PVALB: variants seen among roughly 807,000 people sequenced by gnomAD.
PVALB encodes parvalbumin.
PVALB carries 11 observed loss-of-function variants against 10.9 expected under a neutral mutation model. The ratio of observed to expected loss-of-function variants is 1.01; its 90% confidence interval spans 0.63 to 1.67. PVALB has a LOEUF of 1.67. PVALB is among the 40% of genes most tolerant of loss of function. The pLI is 0.00. For missense variants in PVALB, 131 were observed against 136.2 expected, an observed-to-expected ratio of 0.96 and a Z score of 0.19; for synonymous variants, 57 against 50.7, an observed-to-expected ratio of 1.12 and a Z score of -0.53.
At position 36,813,640 on chromosome 22, in the gene PVALB, A is replaced by G. The variant is rs373010162; in HGVS notation, c.304+6T>C. 46 of 1,607,180 alleles carry G rather than the reference A, an allele frequency of 2.9e-5. No homozygotes were observed. In the South Asian group the frequency reaches 3.1e-4, roughly 11 times the overall value. On this transcript the variant is annotated splice_donor_region_variant and intron_variant, in intron 3 of 3. Transcript: ENST00000417718. ...TATGCCCAGACCCCAGGTCACGGCT[A>G]CCCACCGTCAACCCCAATTTTGCCG...
rs1224134983 is a variant in PVALB at position 36,802,985 on chromosome 22, G to T, written c.305-2067C>A. 2.6e-5 allele frequency among the ~76,000 whole-genome samples: 4 copies of T among 152,342 alleles called. No homozygotes were observed. The South Asian group carries it at 8.3e-4, about 32-fold the overall frequency. On this transcript the variant is annotated intron_variant, in intron 3 of 3. Transcript: ENST00000417718. ...TGTGATCTTCCAGGACCTCGGTGGG[G>T]CAGGTGGTTATTTTGAGATGTCTTT...
At position 36,813,759 on chromosome 22, in the gene PVALB, G is replaced by C; in HGVS notation, c.195-4C>G. On this transcript the variant is annotated splice_polypyrimidine_tract_variant and splice_region_variant and intron_variant, in intron 2 of 3. Coordinates refer to ENST00000417718, the MANE Select transcript of PVALB (RefSeq NM_001315532.2). Reference sequence around the variant, plus strand: ...GGAGAAGCCTTTTAGGATGAATCTGGAGGAGAAAAGGGAGAAAGCCGGTGA... The same window carrying C: ...GGAGAAGCCTTTTAGGATGAATCTGCAGGAGAAAAGGGAGAAAGCCGGTGA... 2 of 1,605,942 alleles carry C rather than the reference G, an allele frequency of 1.2e-6. No individual in the cohort carries two copies. Among genetic ancestry groups the C allele is most frequent in the South Asian group, 1.1e-5 (1 of 90,894 alleles).
At chr22:36,815,502 C>T in intron 1 of PVALB, 1 of 482,040 alleles carries the variant, frequency 2.1e-6, no homozygotes. Context: ...CTCCACTGCA[C>T]CCATTGCTGA....
chr22:36,804,767 C>G (rs1304212695), intron 3 of PVALB, among the ~76,000 whole-genome samples: 1 of 152,164 alleles, frequency 6.6e-6, no homozygotes, highest in Admixed American at 6.5e-5. Context: ...AACCTCGTCT[C>G]TACTAAAAAT....
At chr22:36,812,066 T>G (rs1201421832) in intron 3 of PVALB, among the ~76,000 whole-genome samples, 1 of 152,216 alleles carries the variant, frequency 6.6e-6, no homozygotes, top group Non-Finnish European at 1.5e-5. Context: ...GGCATACACC[T>G]ACTTTCATAA....
Position 36,817,035 on chromosome 22 carries a change from T to C in PVALB, c.-30A>G, listed in dbSNP as rs1466547452. ...CAACTGTTTGAGCGGGCAGAGCAAG[T>C]GCGAAAAGATTAAAAAGTGCTTTTC... On this transcript the variant is annotated 5_prime_UTR_variant, in exon 1 of 4. Transcript: ENST00000417718. 2.5e-6 allele frequency: 4 copies of C among 1,596,446 alleles called. No homozygotes were observed. In the African/African-American group the frequency reaches 4.1e-5, roughly 16 times the overall value.
At chr22:36,811,602 G>C in intron 3 of PVALB, 1 of 456,656 alleles carries the variant, frequency 2.2e-6, no homozygotes. Flanking sequence ...AACTGGGCCA[G>C]GTTTGGCTGG....
rs548444314 is a variant in PVALB, at chr22:36,810,760, G to A, written c.304+2886C>T. Among the ~76,000 whole-genome samples the A allele has an allele frequency of 3.9e-5, 6 of 152,286 alleles. No homozygotes were observed. The East Asian group carries it at 1.2e-3, about 29-fold the overall frequency. ...CTAATAATTCTTTCCTCCCATTCTT[G>A]GCAAAACAATCTTCTTGCCCCTTTC... On this transcript the variant is annotated intron_variant, in intron 3 of 3. Transcript: ENST00000417718.
In PVALB at chr22:36,801,000, G is replaced by A; in HGVS notation, c.305-82C>T. 4.3e-6 allele frequency: 6 copies of A among 1,400,606 alleles called. No homozygotes were observed. In the South Asian group the frequency reaches 7.0e-5, roughly 16 times the overall value. 86.8% of individuals were successfully genotyped at this position (1,400,606 alleles called of 1,614,324 possible). The stretch of plus-strand genomic sequence containing the variant: ...TCCACACCTGACTGCGGGGCCCTGG[G>A]TGGTGCTCTCTCTGGGTTCTTGCTT... On this transcript the variant is annotated intron_variant, in intron 3 of 3. Transcript: ENST00000417718.
intron 3 of PVALB, among the ~76,000 whole-genome samples, chr22:36,805,356 G>A (rs892403840): frequency 2.6e-5 from 4 of 152,176 alleles, no homozygotes; most frequent in African/African-American, 4.8e-5. Context: ...GCAAGCTCTC[G>A]GTATCTGGTG....
At chr22:36,801,090 G>C (rs983510848) in intron 3 of PVALB, among the ~76,000 whole-genome samples, 172 bp from the exon 4 acceptor site, 3 of 152,162 alleles carry the variant, frequency 2.0e-5, no homozygotes, top group African/African-American at 7.2e-5. Flanking sequence ...TGAATGAGCA[G>C]ATGAGTGAAG....
chr22:36,803,505 T>A (rs1452384857), intron 3 of PVALB, among the ~76,000 whole-genome samples: 5 of 151,792 alleles, frequency 3.3e-5, no homozygotes, highest in Admixed American at 2.0e-4. Flanking sequence ...TCTGGGTGGA[T>A]GGATGGAGGG....
chr22:36,806,558 G>A (rs1018114824), intron 3 of PVALB, among the ~76,000 whole-genome samples: 5 of 152,234 alleles, frequency 3.3e-5, no homozygotes, highest in Middle Eastern at 6.8e-3. Flanking sequence ...CGTGATGACC[G>A]GGATGAAGGA....
At chr22:36,803,287 CA>C (rs1938896835) in intron 3 of PVALB, among the ~76,000 whole-genome samples, 1 of 152,202 alleles carries the variant, frequency 6.6e-6, no homozygotes, top group Non-Finnish European at 1.5e-5. Flanking sequence ...TGTCCCAGCT[CA>C]AATATCACCA....
At chr22:36,818,603 T>A (rs1345105991), upstream of PVALB, 1 of 152,752 alleles carries the variant, frequency 6.5e-6, no homozygotes, top group Non-Finnish European at 1.5e-5. Flanking sequence ...CTGCACCTTG[T>A]CCCCAGCTGG....
intron 3 of PVALB, among the ~76,000 whole-genome samples, chr22:36,804,388 C>A (rs528076843): frequency 2.3e-4 from 35 of 152,306 alleles, no homozygotes; most frequent in African/African-American, 8.4e-4. Context: ...TCTGCCCACC[C>A]TGCAATCTGT....
In PVALB at chr22:36,800,723, G is replaced by A; in HGVS notation, c.*167C>T. The A allele has an allele frequency of 1.3e-6, 1 of 773,968 alleles. No homozygotes were observed. Among genetic ancestry groups the A allele is most frequent in the South Asian group, 1.6e-5 (1 of 60,862 alleles). 47.9% of individuals were successfully genotyped at this position (773,968 alleles called of 1,614,324 possible). Reference sequence around the variant, plus strand: ...GAGTCTGACTGGTACAACCTTTATTGCTTCTCCAGCATTTTCCAGAAGAAT... The same window carrying A: ...GAGTCTGACTGGTACAACCTTTATTACTTCTCCAGCATTTTCCAGAAGAAT... On this transcript the variant is annotated 3_prime_UTR_variant, in exon 4 of 4. Coordinates refer to ENST00000417718, the MANE Select transcript of PVALB (RefSeq NM_001315532.2).
At chr22:36,802,832 C>T (rs6519035) in intron 3 of PVALB, among the ~76,000 whole-genome samples, 31,367 of 151,798 alleles carry the variant, frequency 0.21, 3,854 homozygotes, top group African/African-American at 0.34. Context: ...AATCTCCAGG[C>T]TCTCTGGCTG....
chr22:36,815,340 G>T, intron 1 of PVALB, 105 bp from the exon 2 acceptor site: 2 of 1,474,402 alleles, frequency 1.4e-6, no homozygotes, highest in African/African-American at 1.4e-5. Flanking sequence ...CCACATGCCA[G>T]TCATGGGGAA....
Sources: gnomAD v4.1 joint callset for allele counts (sites outside exome capture counted in the v4.1 genomes callset) on GRCh38, gnomAD v4.1.1 for gene constraint, MANE v1.5 for transcripts, NCBI Gene and HGNC (gene_info 2026-07-23, HGNC 2026-07-21) for gene names.